The following DOC2B variants were observed in gnomAD, a reference collection of about 807,000 sequenced individuals.
DOC2B encodes double C2-like domain-containing protein beta.
DOC2B carries 21 observed loss-of-function variants against 28.9 expected under a neutral mutation model. That is an observed-to-expected ratio of 0.73 (90% CI 0.52 to 1.05). The LOEUF is 1.05. DOC2B is among the 50% of genes least tolerant of loss of function. The probability of loss-of-function intolerance (pLI) is 0.00; values close to 1 mark genes in which losing one functional copy is unlikely to be tolerated. For synonymous variants in DOC2B, 194 were observed against 178.1 expected, an observed-to-expected ratio of 1.09 and a Z score of -0.71; for missense variants, 384 against 421.1, an observed-to-expected ratio of 0.91 and a Z score of 0.77.
At chr17:153,388 G>C (rs1038028282) in intron 6 of DOC2B, among the ~76,000 whole-genome samples, 2 of 152,204 alleles carry the variant, frequency 1.3e-5, no homozygotes, top group African/African-American at 4.8e-5. Flanking sequence ...TGGCAGGTGG[G>C]CATTGAAACT....
At chr17:155,424 G>A (rs1555522302) in intron 6 of DOC2B, among the ~76,000 whole-genome samples, 1 of 152,082 alleles carries the variant, frequency 6.6e-6, no homozygotes, top group Non-Finnish European at 1.5e-5. Context: ...TGGGTCCTTG[G>A]TGTCCCCTAG....
intron 6 of DOC2B, among the ~76,000 whole-genome samples, chr17:152,452 C>T (rs901289983): frequency 6.6e-5 from 10 of 152,138 alleles, no homozygotes; most frequent in African/African-American, 1.4e-4. Flanking sequence ...GGGCAAGTAT[C>T]ACCAGAGATG....
intron 2 of DOC2B, 52 bp from the exon 3 acceptor site, chr17:164,256 G>A: frequency 7.2e-7 from 1 of 1,391,844 alleles, no homozygotes; most frequent in South Asian, 1.2e-5. Flanking sequence ...ACATGGAACT[G>A]ACAGGGCCTG....
rs542058766 is a variant in DOC2B, at chr17:151,867, A to AG, written c.924-2676dup. 6.5e-4 allele frequency among the ~76,000 whole-genome samples: 99 copies of AG among 152,308 alleles called. No individual in the cohort carries two copies. The South Asian group carries it at 0.02, about 31-fold the overall frequency. On this transcript the variant is annotated intron_variant, in intron 6 of 8. Coordinates refer to ENST00000613549, the MANE Select transcript of DOC2B (RefSeq NM_003585.5). ...GACAGGCTCCAGCCTCGGCACCTTC[A>AG]GCCATGGACAGTTCCGCCAGCGTTG...
chr17:158,270 C>A (rs896682201), intron 5 of DOC2B, among the ~76,000 whole-genome samples: 1 of 152,090 alleles, frequency 6.6e-6, no homozygotes, highest in Non-Finnish European at 1.5e-5. Flanking sequence ...CTCAGCCCCC[C>A]CAGACAAACC....
rs1281072449 is a variant in DOC2B at position 145,664 on chromosome 17, G to C, written c.*1777C>G. 6.6e-6 allele frequency: 1 copy of C among 152,432 alleles called. No homozygotes were observed. Among genetic ancestry groups the C allele is most frequent in the Admixed American group, 6.5e-5 (1 of 15,288 alleles). 9.4% of individuals were successfully genotyped at this position (152,432 alleles called of 1,614,324 possible). A position where few individuals can be genotyped will look rare whatever the true frequency, so the allele number is the denominator to read the frequency against. ...TGGACCTCAGGTGGTGGTGTGCTTT[G>C]TGTCTGCAGTGGAAGGTCCCACCGT... On this transcript the variant is annotated 3_prime_UTR_variant, in exon 9 of 9. Transcript: ENST00000613549.
chr17:177,581 T>G (rs1466237744), intron 1 of DOC2B, among the ~76,000 whole-genome samples: 1 of 152,264 alleles, frequency 6.6e-6, no homozygotes, highest in African/African-American at 2.4e-5. Context: ...CTGCCAGAGC[T>G]TTCCATCTGG....
At chr17:153,869 TATA>T (rs942613842) in intron 6 of DOC2B, among the ~76,000 whole-genome samples, 5 of 152,184 alleles carry the variant, frequency 3.3e-5, no homozygotes, top group African/African-American at 1.2e-4. Context: ...CTGTCCGTGT[TATA>T]ATAATTCCTC....
chr17:170,798 GGCCAGGCTGCAGAGGGC>G, intron 2 of DOC2B, among the ~76,000 whole-genome samples: 1 of 127,234 alleles, frequency 7.9e-6, no homozygotes, highest in Non-Finnish European at 1.8e-5. Flanking sequence ...CCAGGGGCCG[GGCCAGGCTGCAGAGGGC>G]AGCACCAGGG....
intron 2 of DOC2B, among the ~76,000 whole-genome samples, chr17:169,110 G>A (rs8064924): frequency 0.8 from 121,657 of 151,990 alleles, 49,271 homozygotes; most frequent in East Asian, 0.86. Context: ...TGAAGTGTTC[G>A]GAAGAGGAGC....
intron 1 of DOC2B, among the ~76,000 whole-genome samples, chr17:176,698 G>A (rs930321406): frequency 2.6e-5 from 4 of 152,220 alleles, no homozygotes; most frequent in African/African-American, 9.7e-5. Context: ...CTGGGCGTGA[G>A]GAGGGCCCTA....
Position 181,087 on chromosome 17 carries a change from T to C in DOC2B, c.373+20A>G. 1 of 1,234,908 alleles carries C rather than the reference T, an allele frequency of 8.1e-7. No homozygotes were observed. The allele number at this position is 1,234,908 out of a possible 1,614,324, so 76.5% of individuals were successfully genotyped here. On this transcript the variant is annotated intron_variant, in intron 1 of 8. Coordinates refer to ENST00000613549, the MANE Select transcript of DOC2B (RefSeq NM_003585.5). This position sits in a 1 kb window ranked among gnomAD's most constrained non-coding sequence, Gnocchi z 7.0. ...CCGAGCCAGGGGAGGGGGCGCGAAG[T>C]CGGCGCGTGGGAAACTTACTGCAGT...
chr17:181,308 C>G lies in DOC2B; in HGVS notation c.172G>C (p.Ala58Pro). ...AGPRAAAPPD[A>P]PARPAVAGAG... Reference sequence around the variant, plus strand: ...CCGGCCACAGCCGGGCGCGCGGGGGCGTCCGGGGGTGCAGCGGCTCGGGGC... The same window carrying G: ...CCGGCCACAGCCGGGCGCGCGGGGGGGTCCGGGGGTGCAGCGGCTCGGGGC... The change falls in exon 1 of 9, where the codon GCC becomes CCC. Residue 58 changes from alanine to proline, a missense_variant. Physicochemically the swap from Ala to Pro is conservative, Grantham distance 27. Coordinates refer to ENST00000613549, the MANE Select transcript of DOC2B (RefSeq NM_003585.5). The surrounding 1 kb of genome is among the most constrained non-coding windows in gnomAD (Gnocchi z 7.0). 8.5e-7 allele frequency: 1 copy of G among 1,177,486 alleles called. No individual in the cohort carries two copies. Among genetic ancestry groups the G allele is most frequent in the Non-Finnish European group, 1.0e-6 (1 of 953,634 alleles). The allele number at this position is 1,177,486 out of a possible 1,614,324, so 72.9% of individuals were successfully genotyped here.
At chr17:149,661 A>G (rs2040052019) in intron 6 of DOC2B, among the ~76,000 whole-genome samples, 1 of 150,730 alleles carries the variant, frequency 6.6e-6, no homozygotes, top group Non-Finnish European at 1.5e-5. Context: ...ATGTGCCGCC[A>G]TGCGCAGGTA....
rs1202760613 is a variant in DOC2B at position 152,022 on chromosome 17, G to A, written c.924-2830C>T. Among the ~76,000 whole-genome samples, 3 of 152,326 alleles carry A rather than the reference G, an allele frequency of 2.0e-5. No homozygotes were observed. The East Asian group carries it at 5.8e-4, about 29-fold the overall frequency. ...CAAGCCCACCCTGCAAAGCCCCTGA[G>A]GCCCGCCCTGTGGCGTCTCTCCCTC... On this transcript the variant is annotated intron_variant, in intron 6 of 8. Coordinates refer to ENST00000613549, the MANE Select transcript of DOC2B (RefSeq NM_003585.5).
At chr17:179,398 C>CCAAAAAAAA (rs2040408562) in intron 1 of DOC2B, among the ~76,000 whole-genome samples, 1 of 139,036 alleles carries the variant, frequency 7.2e-6, no homozygotes, top group Non-Finnish European at 1.5e-5. Context: ...TCAGAGACAG[C>CCAAAAAAAA]AAAAAAAAGA....
chr17:180,693 G>A (rs1292950391), intron 1 of DOC2B, among the ~76,000 whole-genome samples: 3 of 151,542 alleles, frequency 2.0e-5, no homozygotes, highest in African/African-American at 7.3e-5. Flanking sequence ...CGGAGCGGCT[G>A]GCGAGCGGGG....
At chr17:159,819 C>T (rs546643892) in intron 5 of DOC2B, among the ~76,000 whole-genome samples, 6 of 151,870 alleles carry the variant, frequency 4.0e-5, no homozygotes, top group Non-Finnish European at 7.4e-5. Flanking sequence ...TGTGGACACA[C>T]ACACTGTCGC....
intron 1 of DOC2B, among the ~76,000 whole-genome samples, chr17:174,621 C>T (rs187286747): frequency 1.8e-4 from 28 of 152,342 alleles, no homozygotes; most frequent in Middle Eastern, 3.4e-3. Flanking sequence ...AAAGGGGACA[C>T]GAAGCAACCC....
Sources: allele counts gnomAD v4.1 joint callset (sites outside exome capture counted in the v4.1 genomes callset), GRCh38; gene constraint gnomAD v4.1.1; non-coding constraint Gnocchi (gnomAD v3.1); transcripts MANE v1.5; gene names NCBI Gene and HGNC (gene_info 2026-07-23, HGNC 2026-07-21).